The following CHCHD3 variants were observed in gnomAD, a reference collection of about 807,000 sequenced individuals.
The protein encoded by CHCHD3 is MICOS complex subunit MIC19.
Under a neutral mutation model 38.2 loss-of-function variants are expected in CHCHD3, and 20 were observed. The ratio of observed to expected loss-of-function variants is 0.52; its 90% CI spans 0.37 to 0.76. The LOEUF is 0.76. Ranked by LOEUF, CHCHD3 falls within the 30% of genes least tolerant of loss-of-function variation. The pLI, the probability that CHCHD3 is intolerant of heterozygous loss-of-function variation, is 0.00. For synonymous variants in CHCHD3, 82 were observed against 100.0 expected (o/e 0.82, Z 1.07); for missense variants, 245 against 279.2 (o/e 0.88, Z 0.87).
At chr7:132,804,506 ACATTCCAGTACCC>A (rs1458194252) in intron 6 of CHCHD3, among the ~76,000 whole-genome samples, 3 of 152,324 alleles carry the variant, frequency 2.0e-5, no homozygotes, top group Admixed American at 2.0e-4. Context: ...GCATAAAAAT[ACATTCCAGTACCC>A]CTACCTCTTC....
intron 6 of CHCHD3, among the ~76,000 whole-genome samples, chr7:132,832,283 GTC>G (rs1807670471): frequency 6.6e-6 from 1 of 152,070 alleles, no homozygotes; most frequent in Non-Finnish European, 1.5e-5. Flanking sequence ...AAATTTATAA[GTC>G]AGGTTTCAAC....
intron 4 of CHCHD3, chr7:132,973,347 G>A: frequency 1.0e-6 from 1 of 985,412 alleles, no homozygotes; most frequent in Non-Finnish European, 1.2e-6. Flanking sequence ...CAAATTTGGA[G>A]ACTTTAATAT....
At chr7:132,986,912 G>A (rs1284312684) in intron 3 of CHCHD3, among the ~76,000 whole-genome samples, 1 of 152,176 alleles carries the variant, frequency 6.6e-6, no homozygotes, top group African/African-American at 2.4e-5. Context: ...GAGCCTCATA[G>A]GGAAAAGATA....
chr7:132,910,559 T>C lies in CHCHD3; in HGVS notation c.370-24814A>G, dbSNP rs184384630. Among the ~76,000 whole-genome samples, 8 of 152,350 alleles carry C rather than the reference T, an allele frequency of 5.3e-5. No homozygotes were observed. In the East Asian group the frequency reaches 9.6e-4, roughly 18 times the overall value. On this transcript the variant is annotated intron_variant, in intron 4 of 7. Transcript: ENST00000262570. ...TGTATATCTGTCTCTCAGTTTAATA[T>C]TGAACACTTCTATGTGTCATTTTCT...
intron 4 of CHCHD3, among the ~76,000 whole-genome samples, chr7:132,971,567 A>C (rs1330095978): frequency 2.0e-5 from 3 of 152,142 alleles, no homozygotes; most frequent in South Asian, 2.1e-4. Flanking sequence ...AAAAGCCTGG[A>C]CTCACATCTA....
chr7:132,982,921 CTATAAA>C (rs1811957181), intron 3 of CHCHD3, among the ~76,000 whole-genome samples: 1 of 151,848 alleles, frequency 6.6e-6, no homozygotes. Flanking sequence ...AATCACATAT[CTATAAA>C]TATAAATAAA....
At chr7:132,968,392 T>A (rs1811530080) in intron 4 of CHCHD3, among the ~76,000 whole-genome samples, 1 of 152,078 alleles carries the variant, frequency 6.6e-6, no homozygotes, top group African/African-American at 2.4e-5. Context: ...CTGAGAAAAA[T>A]GTCTAACACC....
intron 4 of CHCHD3, among the ~76,000 whole-genome samples, chr7:132,893,007 C>T (rs923038438): frequency 2.0e-5 from 3 of 152,158 alleles, no homozygotes; most frequent in African/African-American, 7.2e-5. Context: ...ACGCAGAGTC[C>T]CTACTGGGGC....
chr7:133,024,325 A>G (rs1219745843), intron 3 of CHCHD3, among the ~76,000 whole-genome samples: 1 of 152,210 alleles, frequency 6.6e-6, no homozygotes, highest in African/African-American at 2.4e-5. Context: ...CAACCAATAC[A>G]AGAGATATAA....
At chr7:132,837,899 A>G (rs1049060799) in intron 6 of CHCHD3, among the ~76,000 whole-genome samples, 8 of 152,230 alleles carry the variant, frequency 5.3e-5, no homozygotes, top group Non-Finnish European at 2.9e-5. Context: ...TAAGAGAGGT[A>G]GCAATTTAAC....
At chr7:133,003,348 T>C (rs1252135957) in intron 3 of CHCHD3, among the ~76,000 whole-genome samples, 1 of 152,182 alleles carries the variant, frequency 6.6e-6, no homozygotes, top group African/African-American at 2.4e-5. Context: ...GCTGTAAAAA[T>C]GGGCTTCCAA....
chr7:133,081,989 G>C lies in CHCHD3; in HGVS notation c.-52C>G, dbSNP rs1562957067. ...CCTAGCGGGGAACCACGAGCACTTCGGGGCCCCCGCACCCACACGCGCGTG... is the reference window on the plus strand; with the variant it reads ...CCTAGCGGGGAACCACGAGCACTTCCGGGCCCCCGCACCCACACGCGCGTG... On this transcript the variant is annotated 5_prime_UTR_variant, in exon 1 of 8. Transcript: ENST00000262570. The C allele has an allele frequency of 6.8e-7, 1 of 1,468,202 alleles. No homozygotes were observed. Among genetic ancestry groups the C allele is most frequent in the Non-Finnish European group, 9.1e-7 (1 of 1,096,028 alleles). The allele number at this position is 1,468,202 out of a possible 1,614,324, so 90.9% of individuals were successfully genotyped here.
intron 4 of CHCHD3, among the ~76,000 whole-genome samples, chr7:132,944,008 T>C (rs1281408897): frequency 6.6e-6 from 1 of 152,084 alleles, no homozygotes; most frequent in African/African-American, 2.4e-5. Flanking sequence ...GAGAAAGTTT[T>C]CTCTGTGTGG....
chr7:132,874,222 G>A (rs1024155306), intron 5 of CHCHD3, among the ~76,000 whole-genome samples: 1 of 152,186 alleles, frequency 6.6e-6, no homozygotes, highest in African/African-American at 2.4e-5. Context: ...ACAGTGTGGT[G>A]ATCATGCCAT....
intron 5 of CHCHD3, among the ~76,000 whole-genome samples, chr7:132,876,824 G>T (rs879259766): frequency 6.6e-6 from 1 of 152,168 alleles, no homozygotes; most frequent in East Asian, 1.9e-4. Context: ...CAAGATCCCA[G>T]AATAAAGCTG....
At chr7:132,873,228 G>C (rs1327285761) in intron 5 of CHCHD3, among the ~76,000 whole-genome samples, 4 of 152,116 alleles carry the variant, frequency 2.6e-5, no homozygotes, top group Non-Finnish European at 5.9e-5. Context: ...GGAAGACAGA[G>C]GCCTGGGTGC....
chr7:132,816,102 G>A (rs1053874029), intron 6 of CHCHD3, among the ~76,000 whole-genome samples: 10 of 152,170 alleles, frequency 6.6e-5, no homozygotes, highest in African/African-American at 2.4e-4. Flanking sequence ...TGGTCATGTA[G>A]TTCAGACTGG....
intron 3 of CHCHD3, among the ~76,000 whole-genome samples, chr7:133,011,175 C>T (rs1733770200): frequency 1.3e-5 from 2 of 152,046 alleles, no homozygotes; most frequent in African/African-American, 4.8e-5. Context: ...CATAGGAGAT[C>T]CAAGTATCAG....
intron 4 of CHCHD3, among the ~76,000 whole-genome samples, chr7:132,944,313 T>A (rs916847327): frequency 1.3e-5 from 2 of 151,688 alleles, no homozygotes; most frequent in Admixed American, 6.6e-5. Context: ...TGCTCCTCTA[T>A]CAAGACTCTA....
Sources: gnomAD v4.1 joint callset for allele counts (sites outside exome capture counted in the v4.1 genomes callset) on GRCh38, gnomAD v4.1.1 for gene constraint, MANE v1.5 for transcripts, NCBI Gene and HGNC (gene_info 2026-07-23, HGNC 2026-07-21) for gene names.